The following PMVK variants were observed in gnomAD, a reference collection of about 807,000 sequenced individuals.
PMVK encodes the protein testis tissue sperm-binding protein Li 95mP.
A neutral mutation model predicts 19.0 loss-of-function variants in PMVK; 10 were observed. That is an observed-to-expected ratio of 0.53 (90% CI 0.32 to 0.89). PMVK has a LOEUF of 0.89. PMVK is among the 40% of genes least tolerant of loss of function. The pLI is 0.03. For missense variants in PMVK, 222 were observed against 251.1 expected (o/e 0.88, Z 0.78); for synonymous variants, 108 against 101.6 (o/e 1.06, Z -0.38).
chr1:154,934,959 G>A (rs1453115043), intron 1 of PMVK, among the ~76,000 whole-genome samples: 1 of 151,490 alleles, frequency 6.6e-6, no homozygotes, highest in African/African-American at 2.4e-5. Flanking sequence ...CTACTCGGGA[G>A]GCTGAGACAG....
chr1:154,929,063 A>G lies in PMVK; in HGVS notation c.273T>C (p.Phe91=), dbSNP rs1422351110. 1.2e-6 allele frequency: 2 copies of G among 1,614,224 alleles called. 1 individual carries two copies. The highest frequency in any genetic ancestry group is 3.3e-5 in the Admixed American group (2 of 60,032). ...EEKRQADPGF[F]CRKIVEGISQ... is the part of the protein sequence containing the mutation. Reference sequence around the variant, plus strand: ...AGATGCCCTCCACAATCTTCCTGCAAAAGAAGCCTGGGTCAGCCTGGCGTT... The same window carrying G: ...AGATGCCCTCCACAATCTTCCTGCAGAAGAAGCCTGGGTCAGCCTGGCGTT... Residue 91 remains phenylalanine, a synonymous_variant, in exon 3 of 5, where the codon TTT becomes TTC. Transcript: ENST00000368467.
chr1:154,936,051 C>T (rs1654492925), intron 1 of PMVK, among the ~76,000 whole-genome samples: 3 of 152,142 alleles, frequency 2.0e-5, no homozygotes, highest in Non-Finnish European at 2.9e-5. Flanking sequence ...CTAATAATGG[C>T]ACACAGTACC....
At chr1:154,938,302 G>A (rs1002630072), upstream of PMVK, among the ~76,000 whole-genome samples, 143 of 152,142 alleles carry the variant, frequency 9.4e-4, 1 homozygote, top group African/African-American at 3.2e-3. Flanking sequence ...AATACCTAGT[G>A]AGCGATCAGA....
chr1:154,936,948 C>G (rs1054818804), upstream of PMVK: 14 of 483,040 alleles, frequency 2.9e-5, no homozygotes, highest in Admixed American at 6.6e-5. Context: ...GAAGCTCCCC[C>G]ACCCGAACTC....
At chr1:154,925,642 G>A (rs1249962881) in intron 4 of PMVK, among the ~76,000 whole-genome samples, 1 of 152,234 alleles carries the variant, frequency 6.6e-6, no homozygotes, top group Non-Finnish European at 1.5e-5. Context: ...GAGGCAGCAT[G>A]TGCTGGAGTC....
At chr1:154,937,346 T>G (rs758394131), upstream of PMVK, 1 of 152,342 alleles carries the variant, frequency 6.6e-6, no homozygotes, top group South Asian at 2.0e-4. Context: ...TCAAGCAGAT[T>G]TTATAACCCG....
At chr1:154,941,826 G>T in the PMVK span, among the ~76,000 whole-genome samples, 5 of 152,170 alleles carry the variant, frequency 3.3e-5, no homozygotes, top group Non-Finnish European at 7.3e-5. Context: ...GGGGACCTGG[G>T]GAGGCAGCAG....
intron 1 of PMVK, 116 bp downstream of exon 1, chr1:154,936,475 C>T: frequency 1.3e-6 from 2 of 1,498,218 alleles, no homozygotes; most frequent in Non-Finnish European, 1.8e-6. Context: ...AGTGCTCCTC[C>T]TGCCTTGCAA....
chr1:154,940,357 G>A (rs1469027898), upstream of PMVK, among the ~76,000 whole-genome samples: 1 of 152,208 alleles, frequency 6.6e-6, no homozygotes, highest in Non-Finnish European at 1.5e-5. Flanking sequence ...GCGAAGGTAA[G>A]TGCCCCATGC....
intron 3 of PMVK, among the ~76,000 whole-genome samples, chr1:154,928,747 AG>A (rs1453329075): frequency 4.6e-5 from 7 of 151,866 alleles, no homozygotes; most frequent in African/African-American, 1.5e-4. Flanking sequence ...ACTCCAGCCC[AG>A]GCGACAAGTG....
intron 1 of PMVK, among the ~76,000 whole-genome samples, chr1:154,935,690 G>GTTATT (rs972400001): frequency 1.3e-5 from 2 of 152,158 alleles, no homozygotes; most frequent in African/African-American, 2.4e-5. Flanking sequence ...AACTTCGTAT[G>GTTATT]TTATTTTATT....
upstream of PMVK, chr1:154,938,069 A>C (rs1474022786): frequency 6.6e-6 from 1 of 152,238 alleles, no homozygotes; most frequent in Non-Finnish European, 1.5e-5. Context: ...ATCCAGATGT[A>C]AGGGGTTGTT....
Position 154,929,114 on chromosome 1 carries a change from C to T in PMVK, c.222G>A (p.Lys74=). Residue 74 remains lysine, a synonymous_variant, in exon 3 of 5, where the codon AAG becomes AAA. Coordinates refer to ENST00000368467, the MANE Select transcript of PMVK (RefSeq NM_006556.4). ...TCTCCTCTCCCCAGCGGATCATGTC[C>T]TTCCGAAAGGCCTCCTTGTAGGTGC... is the stretch of plus-strand genomic sequence containing the variant. The part of the protein sequence containing the change: ...DTSTYKEAFR[K]DMIRWGEEKR... 3.1e-6 allele frequency: 5 copies of T among 1,614,156 alleles called. No individual in the cohort carries two copies. The highest frequency in any genetic ancestry group is 1.6e-4 in the Middle Eastern group (1 of 6,062).
intron 2 of PMVK, among the ~76,000 whole-genome samples, chr1:154,929,817 G>T (rs891312587): frequency 1.3e-5 from 2 of 152,006 alleles, no homozygotes; most frequent in Non-Finnish European, 2.9e-5. Flanking sequence ...CCATCCAAAG[G>T]GATCCAGGAT....
upstream of PMVK, chr1:154,938,074 G>C (rs1156447580): frequency 3.3e-5 from 5 of 152,182 alleles, no homozygotes; most frequent in African/African-American, 1.2e-4. Flanking sequence ...GATGTAAGGG[G>C]TTGTTATTTA....
chr1:154,931,057 C>T (rs1378605272), intron 2 of PMVK, among the ~76,000 whole-genome samples: 1 of 152,110 alleles, frequency 6.6e-6, no homozygotes, highest in African/African-American at 2.4e-5. Flanking sequence ...CACTGCACTC[C>T]AGCCTGCGCT....
chr1:154,940,944 G>A (rs1654627416), upstream of PMVK, among the ~76,000 whole-genome samples: 1 of 152,158 alleles, frequency 6.6e-6, no homozygotes, highest in Admixed American at 6.5e-5. Flanking sequence ...CCTTTAGCTT[G>A]CAAAGCCTTT....
At position 154,929,033 on chromosome 1, in the gene PMVK, CT is replaced by C; in HGVS notation, c.302del (p.Gln101ArgfsTer6). 1 of 1,614,022 alleles carries C rather than the reference CT, an allele frequency of 6.2e-7. No individual in the cohort carries two copies. The highest frequency in any genetic ancestry group is 8.5e-7 in the Non-Finnish European group (1 of 1,179,938). ...CATGGAGCCCTCTTACCCAGATGGG[CT>C]GGGAGATGCCCTCCACAATCTTCCT... ...FCRKIVEGISQPIWLVSDTRR... is the reference protein window; with the variant it reads ...FCRKIVEGISXPIWLVSDTRR... On this transcript the variant is annotated frameshift_variant, in exon 3 of 5. Coordinates refer to ENST00000368467, the MANE Select transcript of PMVK (RefSeq NM_006556.4). LOFTEE classifies it high-confidence loss of function.
Position 154,936,113 on chromosome 1 carries a change from C to T in PMVK, c.95+478G>A, listed in dbSNP as rs184497993. Among the ~76,000 whole-genome samples, 84 of 152,238 alleles carry T rather than the reference C, an allele frequency of 5.5e-4. 1 individual carries two copies. In the East Asian group the frequency reaches 0.011, roughly 20 times the overall value. ...GTTTTGTTTTTTTAAGACAGGGTCT[C>T]GCTCTGTCGCCCAGGCTGGAGTGCA... On this transcript the variant is annotated intron_variant, in intron 1 of 4. Coordinates refer to ENST00000368467, the MANE Select transcript of PMVK (RefSeq NM_006556.4).
Sources: allele counts gnomAD v4.1 joint callset (sites outside exome capture counted in the v4.1 genomes callset), GRCh38; gene constraint gnomAD v4.1.1; transcripts MANE v1.5; gene names NCBI Gene and HGNC (gene_info 2026-07-23, HGNC 2026-07-21).